Variants in WWOX observed in about 807,000 individuals in gnomAD.
WWOX encodes WW domain-containing oxidoreductase.
In WWOX, 69 loss-of-function variants were observed where a neutral mutation model predicts 46.2. The observed-to-expected ratio is 1.49, with a 90% CI of 1.23 to 1.82. WWOX has a LOEUF of 1.82. Among genes scored for constraint, WWOX ranks in the 40% most tolerant of loss-of-function variants. WWOX has a pLI of 0.00. For synonymous variants in WWOX, 359 were observed against 202.6 expected, an observed-to-expected ratio of 1.77 and a Z score of -6.56; for missense variants, 919 against 542.6, an observed-to-expected ratio of 1.69 and a Z score of -6.89.
chr16:78,318,966 A>G (rs1173838549), intron 5 of WWOX, among the ~76,000 whole-genome samples: 4 of 152,318 alleles, frequency 2.6e-5, no homozygotes, highest in East Asian at 3.9e-4. Flanking sequence ...GCTTTGTTAC[A>G]TGGAAGAGGA....
intron 8 of WWOX, among the ~76,000 whole-genome samples, chr16:79,133,048 T>C (rs1347525255): frequency 6.6e-6 from 1 of 152,206 alleles, no homozygotes; most frequent in Non-Finnish European, 1.5e-5. Context: ...CATGAAGCTT[T>C]TGAAAAGAAA....
rs1017984320 is a variant in WWOX at position 78,929,181 on chromosome 16, A to G, written c.1057-282427A>G. Among the ~76,000 whole-genome samples the G allele has an allele frequency of 7.9e-5, 12 of 152,282 alleles. No individual in the cohort carries two copies. In the East Asian group the frequency reaches 2.3e-3, roughly 29 times the overall value. Reference sequence around the variant, plus strand: ...TTTGGGGGTGATTTTCAGACCGTAAATTGAAGTGTAAATATTCGAATTATT... The same window carrying G: ...TTTGGGGGTGATTTTCAGACCGTAAGTTGAAGTGTAAATATTCGAATTATT... On this transcript the variant is annotated intron_variant, in intron 8 of 8. Coordinates refer to ENST00000566780, the MANE Select transcript of WWOX (RefSeq NM_016373.4).
chr16:78,485,929 T>C (rs2084625522), intron 8 of WWOX, among the ~76,000 whole-genome samples: 1 of 152,244 alleles, frequency 6.6e-6, no homozygotes, highest in African/African-American at 2.4e-5. Context: ...GGATACGTTA[T>C]TTATGGTGTT....
intron 8 of WWOX, among the ~76,000 whole-genome samples, chr16:78,566,816 A>C (rs908173132): frequency 6.6e-6 from 1 of 152,176 alleles, no homozygotes; most frequent in African/African-American, 2.4e-5. Context: ...CTTTTTGCAC[A>C]TTGTTTGATT....
At chr16:79,051,504 C>CT (rs1439029137) in intron 8 of WWOX, among the ~76,000 whole-genome samples, 6 of 137,014 alleles carry the variant, frequency 4.4e-5, no homozygotes, top group Non-Finnish European at 1.5e-5. Flanking sequence ...ATGTCATTGG[C>CT]TACAACTCAG....
rs1022325453 is a variant in WWOX at position 79,070,556 on chromosome 16, C to A, written c.1057-141052C>A. Among the ~76,000 whole-genome samples the A allele has an allele frequency of 2.1e-4, 32 of 152,122 alleles. 1 individual carries two copies. Among genetic ancestry groups the A allele is most frequent in the Non-Finnish European group, 1.5e-5 (1 of 68,046 alleles). ...TACACAGATGAGCAAAGCTCCTTGG[C>A]AATGAGTGAGGCAGACGGGCAGTCA... On this transcript the variant is annotated intron_variant, in intron 8 of 8. Transcript: ENST00000566780.
chr16:78,660,621 TGGG>T lies in WWOX; in HGVS notation c.1056+227872_1056+227874del, dbSNP rs528582024. Among the ~76,000 whole-genome samples the T allele has an allele frequency of 1.2e-3, 185 of 152,270 alleles. 1 individual carries two copies. The highest frequency in any genetic ancestry group is 2.0e-3 in the Admixed American group (31 of 15,296). ...GCTTGCCACCAGCTCCCTACTCACTTGGGGGAAAATAACCCATCAAAGGAATAG... is the reference window on the plus strand; with the variant it reads ...GCTTGCCACCAGCTCCCTACTCACTTGGAAAATAACCCATCAAAGGAATAG... On this transcript the variant is annotated intron_variant, in intron 8 of 8. Transcript: ENST00000566780.
intron 8 of WWOX, among the ~76,000 whole-genome samples, chr16:78,974,785 G>T (rs1340979709): frequency 6.6e-6 from 1 of 152,154 alleles, no homozygotes; most frequent in South Asian, 2.1e-4. Flanking sequence ...TTCAGAATGG[G>T]ATGTTTAGGG....
intron 8 of WWOX, among the ~76,000 whole-genome samples, chr16:79,127,220 T>C (rs921923811): frequency 6.6e-6 from 1 of 152,114 alleles, no homozygotes; most frequent in South Asian, 2.1e-4. Context: ...ATGTTTTTCT[T>C]TATGTGTGTT....
rs570274845 is a variant in WWOX at position 79,060,708 on chromosome 16, C to T, written c.1057-150900C>T. Reference sequence around the variant, plus strand: ...CAATTTTTATCTTTGTTTAATGTAACCAATGAGGCCATTGTCACTGTATGG... The same window carrying T: ...CAATTTTTATCTTTGTTTAATGTAATCAATGAGGCCATTGTCACTGTATGG... On this transcript the variant is annotated intron_variant, in intron 8 of 8. Transcript: ENST00000566780. 3.9e-5 allele frequency among the ~76,000 whole-genome samples: 6 copies of T among 152,322 alleles called. No individual in the cohort carries two copies. In the South Asian group the frequency reaches 1.2e-3, roughly 32 times the overall value.
chr16:78,528,489 A>T (rs72803908), intron 8 of WWOX, among the ~76,000 whole-genome samples: 11,532 of 152,074 alleles, frequency 0.076, 561 homozygotes, highest in South Asian at 0.12. Context: ...AGATTTCATG[A>T]TTGATTCATG....
chr16:78,707,511 T>C (rs1188405934), intron 8 of WWOX, among the ~76,000 whole-genome samples: 1 of 152,182 alleles, frequency 6.6e-6, no homozygotes, highest in Non-Finnish European at 1.5e-5. Flanking sequence ...GAAAAGTCTG[T>C]GCATCTGAGC....
Position 78,422,882 on chromosome 16 carries a change from CACAT to C in WWOX, c.606-1986_606-1983del, listed in dbSNP as rs1347373120. ...ACACACACACACACACACACACACA[CACAT>C]ATATTTTTTTTTTCTTTTAGATGGA... On this transcript the variant is annotated intron_variant, in intron 6 of 8. Coordinates refer to ENST00000566780, the MANE Select transcript of WWOX (RefSeq NM_016373.4). Among the ~76,000 whole-genome samples, 101 of 129,130 alleles carry C rather than the reference CACAT, an allele frequency of 7.8e-4. 1 individual carries two copies. Among genetic ancestry groups the C allele is most frequent in the African/African-American group, 2.4e-3 (75 of 31,184 alleles). 84.7% of individuals were successfully genotyped at this position (129,130 alleles called of 152,430 possible).
chr16:78,168,882 G>T (rs1237480833), intron 5 of WWOX, among the ~76,000 whole-genome samples: 7 of 152,128 alleles, frequency 4.6e-5, no homozygotes, highest in African/African-American at 1.4e-4. Context: ...ATTATTTCAT[G>T]GGAAAATGCC....
chr16:78,895,583 G>A (rs1253699556), intron 8 of WWOX: 1 of 152,190 alleles, frequency 6.6e-6, no homozygotes, highest in Non-Finnish European at 1.5e-5. Flanking sequence ...GAATTTAATA[G>A]GAGGGTTTGG....
intron 8 of WWOX, among the ~76,000 whole-genome samples, chr16:79,066,546 C>G (rs2048445136): frequency 6.6e-6 from 1 of 152,178 alleles, no homozygotes; most frequent in African/African-American, 2.4e-5. Flanking sequence ...GGAATAATTT[C>G]CAGGAAGCCT....
In WWOX at chr16:78,174,728, C is replaced by A. The variant is rs2035275802; in HGVS notation, c.516+10439C>A. Among the ~76,000 whole-genome samples the A allele has an allele frequency of 2.0e-5, 3 of 152,168 alleles. No individual in the cohort carries two copies. The South Asian group carries it at 6.2e-4, about 32-fold the overall frequency. On this transcript the variant is annotated intron_variant, in intron 5 of 8. Coordinates refer to ENST00000566780, the MANE Select transcript of WWOX (RefSeq NM_016373.4). ...GGTGGCCGGGTGTGGTGGCTCACACCTGTAATCCCAGCACTTTGGGAGGCC... is the reference window on the plus strand; with the variant it reads ...GGTGGCCGGGTGTGGTGGCTCACACATGTAATCCCAGCACTTTGGGAGGCC...
Position 79,008,401 on chromosome 16 carries a change from T to A in WWOX, c.1057-203207T>A, listed in dbSNP as rs115205371. ...AAAACCAACTGCGTTCAGGCCTCCA[T>A]GACATCTGCGAAATTCCTCCCCCTT... On this transcript the variant is annotated intron_variant, in intron 8 of 8. Coordinates refer to ENST00000566780, the MANE Select transcript of WWOX (RefSeq NM_016373.4). Among the ~76,000 whole-genome samples, 800 of 152,290 alleles carry A rather than the reference T, an allele frequency of 5.3e-3. 12 individuals are homozygous for A. The highest frequency in any genetic ancestry group is 0.019 in the African/African-American group (771 of 41,566).
chr16:78,342,637 G>A (rs565088799), intron 5 of WWOX, among the ~76,000 whole-genome samples: 1 of 120,314 alleles, frequency 8.3e-6, no homozygotes, highest in African/African-American at 2.8e-5. Context: ...GGGAAGCCCA[G>A]AAAAATGTGT....
Sources: gnomAD v4.1 joint callset for allele counts (sites outside exome capture counted in the v4.1 genomes callset) on GRCh38, gnomAD v4.1.1 for gene constraint, MANE v1.5 for transcripts, NCBI Gene and HGNC (gene_info 2026-07-23, HGNC 2026-07-21) for gene names.